Variants in UPF2 observed in about 807,000 individuals in gnomAD.
UPF2 encodes regulator of nonsense transcripts 2.
UPF2 carries 17 observed loss-of-function variants against 141.4 expected under a neutral mutation model. The ratio of observed to expected loss-of-function variants is 0.12; its 90% CI spans 0.08 to 0.18. The LOEUF (loss-of-function observed/expected upper bound fraction) is 0.18. Among genes scored for constraint, UPF2 ranks in the 10% least tolerant of loss-of-function variants. The pLI is 1.00. For missense variants in UPF2, 1,152 were observed against 1,515.9 expected, an observed-to-expected ratio of 0.76 and a Z score of 3.99; for synonymous variants, 540 against 498.0, an observed-to-expected ratio of 1.08 and a Z score of -1.12.
intron 8 of UPF2, among the ~76,000 whole-genome samples, chr10:11,987,939 C>T (rs139385621): frequency 2.6e-5 from 4 of 152,014 alleles, no homozygotes; most frequent in East Asian, 1.9e-4. Context: ...AAAAACTGTG[C>T]TGCAAATTAT....
At chr10:11,923,579 G>A (rs1832673447) in intron 21 of UPF2, among the ~76,000 whole-genome samples, 2 of 151,898 alleles carry the variant, frequency 1.3e-5, no homozygotes, top group Admixed American at 6.6e-5. Flanking sequence ...TACTCGGGAG[G>A]CTGAGGCAGA....
intron 21 of UPF2, among the ~76,000 whole-genome samples, chr10:11,924,947 T>C (rs1245788677): frequency 6.6e-6 from 1 of 152,050 alleles, no homozygotes; most frequent in Non-Finnish European, 1.5e-5. Context: ...GACTCCCGAG[T>C]AGCTGGGATT....
At chr10:11,993,050 T>G (rs763910327) in intron 8 of UPF2, among the ~76,000 whole-genome samples, 2 of 151,112 alleles carry the variant, frequency 1.3e-5, no homozygotes, top group Non-Finnish European at 2.9e-5. Context: ...CATGTGAGGC[T>G]TAGGTGGGAG....
rs906088772 is a variant in UPF2, at chr10:12,042,536, G to C, written c.-19+219C>G. Among the ~76,000 whole-genome samples the C allele has an allele frequency of 1.3e-5, 2 of 152,156 alleles. No homozygotes were observed. ...CTCCACCGCCCCCCAAGCATGGCCC[G>C]GCCCGGGGGCTCCCGCGTTGATGGG... On this transcript the variant is annotated intron_variant, in intron 1 of 21. Coordinates refer to ENST00000357604, the MANE Select transcript of UPF2 (RefSeq NM_015542.4). This position sits in a 1 kb window ranked among gnomAD's most constrained non-coding sequence, Gnocchi z 5.5.
chr10:11,953,069 G>T lies in UPF2; in HGVS notation c.2851-820C>A, dbSNP rs1833098412. Among the ~76,000 whole-genome samples the T allele has an allele frequency of 6.6e-6, 1 of 152,160 alleles. No individual in the cohort carries two copies. Among genetic ancestry groups the T allele is most frequent in the Non-Finnish European group, 1.5e-5 (1 of 68,036 alleles). ...ATATCTACTGTGTATATGGCATGGT[G>T]TGGATATTTTCCCTCTCTACTCCAA... On this transcript the variant is annotated intron_variant, in intron 14 of 21. Coordinates refer to ENST00000357604, the MANE Select transcript of UPF2 (RefSeq NM_015542.4). This position sits in a 1 kb window ranked among gnomAD's most constrained non-coding sequence, Gnocchi z 5.0.
Position 11,923,803 on chromosome 10 carries a change from C to G in UPF2, c.3810-2496G>C, listed in dbSNP as rs574882115. 5.9e-5 allele frequency among the ~76,000 whole-genome samples: 9 copies of G among 152,172 alleles called. No homozygotes were observed. In the East Asian group the frequency reaches 1.5e-3, roughly 26 times the overall value. ...GCAGTGAGCCGAGATCCCGGCACTG[C>G]ACTCCAGCCTGGGCAACAGAACAAG... is the stretch of plus-strand genomic sequence containing the variant. On this transcript the variant is annotated intron_variant, in intron 21 of 21. Coordinates refer to ENST00000357604, the MANE Select transcript of UPF2 (RefSeq NM_015542.4).
In UPF2 at chr10:11,952,148, T is replaced by C. The variant is rs1357413594; in HGVS notation, c.2952A>G (p.Arg984=). The C allele has an allele frequency of 6.2e-7, 1 of 1,613,968 alleles. No individual in the cohort carries two copies. Among genetic ancestry groups the C allele is most frequent in the Non-Finnish European group, 8.5e-7 (1 of 1,179,956 alleles). ...YMISDTLELL[R]PKIKLCNSLE... ...GAGAATTACAGAGTTTGATCTTTGG[T>C]CTTAGCAGTTCTAGTGTATCACTGA... The change falls in exon 15 of 22, where the codon AGA becomes AGG. Residue 984 remains arginine, a synonymous_variant. Transcript: ENST00000357604.
At position 11,953,877 on chromosome 10, in the gene UPF2, C is replaced by T. The variant is rs1017456823; in HGVS notation, c.2850+1355G>A. On this transcript the variant is annotated intron_variant, in intron 14 of 21. Transcript: ENST00000357604. This position sits in a 1 kb window ranked among gnomAD's most constrained non-coding sequence, Gnocchi z 5.0. ...CCGCAATTCCCGAAGAATATTTACC[C>T]CCAACTTAACACACGCCACCATGTG... Among the ~76,000 whole-genome samples, 3 of 152,156 alleles carry T rather than the reference C, an allele frequency of 2.0e-5. No homozygotes were observed. Among genetic ancestry groups the T allele is most frequent in the Non-Finnish European group, 2.9e-5 (2 of 68,032 alleles).
chr10:12,026,277 A>C (rs1398209444), intron 3 of UPF2, among the ~76,000 whole-genome samples: 1 of 152,208 alleles, frequency 6.6e-6, no homozygotes, highest in Non-Finnish European at 1.5e-5. Flanking sequence ...ATGAGAAATA[A>C]AGCTTCAGTG....
intron 19 of UPF2, among the ~76,000 whole-genome samples, chr10:11,932,664 C>T (rs1832797186): frequency 6.6e-6 from 1 of 152,108 alleles, no homozygotes; most frequent in African/African-American, 2.4e-5. Context: ...TGCTAAGATA[C>T]TATTAACAGA....
At chr10:11,976,555 T>C (rs1338796640) in intron 9 of UPF2, among the ~76,000 whole-genome samples, 3 of 152,232 alleles carry the variant, frequency 2.0e-5, no homozygotes, top group African/African-American at 7.2e-5. Flanking sequence ...GAATTTGGTT[T>C]GGGGACTAAT....
At chr10:11,994,899 C>T (rs12413412) in intron 8 of UPF2, among the ~76,000 whole-genome samples, 1 of 143,278 alleles carries the variant, frequency 7.0e-6, no homozygotes, top group African/African-American at 2.6e-5. Context: ...TGGCGTGAAC[C>T]TGGGAGGCAG....
In UPF2 at chr10:11,936,002, G is replaced by A. The variant is rs558463874; in HGVS notation, c.3546+543C>T. Among the ~76,000 whole-genome samples the A allele has an allele frequency of 1.4e-3, 209 of 152,250 alleles. 1 individual carries two copies. Among genetic ancestry groups the A allele is most frequent in the Non-Finnish European group, 2.3e-3 (159 of 68,018 alleles). On this transcript the variant is annotated intron_variant, in intron 19 of 21. Coordinates refer to ENST00000357604, the MANE Select transcript of UPF2 (RefSeq NM_015542.4). The surrounding 1 kb of genome is among the most constrained non-coding windows in gnomAD (Gnocchi z 6.6). ...GGTTGCCATCCTCCTTTCCTTCCCC[G>A]CCTGGGGCTTGCTTGTGGAAGTTTG...
chr10:12,004,397 T>C, intron 5 of UPF2, 133 bp downstream of exon 5: 1 of 650,748 alleles, frequency 1.5e-6, no homozygotes, highest in South Asian at 2.3e-5. Context: ...ATTCTGTCAC[T>C]CATTTACTCT....
At chr10:12,041,535 T>C (rs568852139) in intron 1 of UPF2, among the ~76,000 whole-genome samples, 1 of 151,850 alleles carries the variant, frequency 6.6e-6, no homozygotes, top group South Asian at 2.1e-4. Context: ...CAAAAGGGGG[T>C]GTTTCCCTTT....
At chr10:11,938,845 T>TTG (rs1832888585) in intron 18 of UPF2, among the ~76,000 whole-genome samples, 1 of 117,568 alleles carries the variant, frequency 8.5e-6, no homozygotes, top group Non-Finnish European at 1.6e-5. Context: ...TAAGCAAGTT[T>TTG]TTTTTTTGTT....
At chr10:11,974,589 G>C (rs1029727099) in intron 9 of UPF2, among the ~76,000 whole-genome samples, 2 of 152,114 alleles carry the variant, frequency 1.3e-5, no homozygotes, top group Non-Finnish European at 2.9e-5. Flanking sequence ...GAGCATGAAG[G>C]GCTGTTGAAT....
At chr10:11,986,444 G>A (rs934692703) in intron 8 of UPF2, among the ~76,000 whole-genome samples, 2 of 152,056 alleles carry the variant, frequency 1.3e-5, no homozygotes, top group Non-Finnish European at 2.9e-5. Flanking sequence ...GTTATTGAGA[G>A]GGAAAGAAGA....
At chr10:11,947,432 G>A (rs1194633944) in intron 16 of UPF2, among the ~76,000 whole-genome samples, 3 of 151,896 alleles carry the variant, frequency 2.0e-5, no homozygotes, top group African/African-American at 7.2e-5. Context: ...CAGTAATTTT[G>A]TTTTGAAGAG....
Sources: allele counts gnomAD v4.1 joint callset (sites outside exome capture counted in the v4.1 genomes callset), GRCh38; gene constraint gnomAD v4.1.1; non-coding constraint Gnocchi (gnomAD v3.1); transcripts MANE v1.5; gene names NCBI Gene and HGNC (gene_info 2026-07-23, HGNC 2026-07-21).